The following ANKHD1 variants were observed in gnomAD, a reference collection of about 807,000 sequenced individuals.
The protein encoded by ANKHD1 is ankyrin repeat and KH domain containing 1.
Under a neutral mutation model 230.5 loss-of-function variants are expected in ANKHD1, and 31 were observed. The ratio of observed to expected loss-of-function variants is 0.13; its 90% confidence interval spans 0.10 to 0.18. ANKHD1 has a LOEUF of 0.18. ANKHD1 is among the 10% of genes least tolerant of loss of function. The probability of loss-of-function intolerance (pLI) is 1.00; values close to 1 mark genes in which losing one functional copy is unlikely to be tolerated. For missense variants in ANKHD1, 2,256 were observed against 3,071.3 expected (o/e 0.73, Z 6.27); for synonymous variants, 1,074 against 1,117.6 (o/e 0.96, Z 0.78).
intron 8 of ANKHD1, 76 bp from the exon 9 acceptor site, chr5:140,459,088 T>C: frequency 7.7e-7 from 1 of 1,293,320 alleles, no homozygotes; most frequent in Non-Finnish European, 9.9e-7. Context: ...CAGAGATGAT[T>C]ATCACAATTC....
intron 1 of ANKHD1, among the ~76,000 whole-genome samples, chr5:140,422,809 TG>T (rs1421367539): frequency 2.5e-5 from 3 of 121,154 alleles, no homozygotes; most frequent in Non-Finnish European, 3.8e-5. Flanking sequence ...GACTCTGTCT[TG>T]GGGGGGAAAA....
intron 10 of ANKHD1, among the ~76,000 whole-genome samples, chr5:140,477,857 G>A (rs1331776737): frequency 2.0e-5 from 3 of 152,044 alleles, no homozygotes; most frequent in African/African-American, 4.8e-5. Flanking sequence ...TGATCCACCC[G>A]CCTCGGCCTC....
chr5:140,418,093 C>T (rs547055787), intron 1 of ANKHD1, among the ~76,000 whole-genome samples: 14 of 151,408 alleles, frequency 9.2e-5, no homozygotes, highest in African/African-American at 2.7e-4. Flanking sequence ...CTGCCCTCCT[C>T]GGCCTCCCAA....
At chr5:140,509,968 A>G in intron 21 of ANKHD1, 51 bp from the exon 22 acceptor site, 1 of 1,555,300 alleles carries the variant, frequency 6.4e-7, no homozygotes, top group Non-Finnish European at 8.7e-7. Context: ...AAACTAGAAA[A>G]AGCCAGCCTC....
At chr5:140,512,190 C>T (rs375814454) in intron 22 of ANKHD1, among the ~76,000 whole-genome samples, 4 of 149,900 alleles carry the variant, frequency 2.7e-5, no homozygotes, top group Admixed American at 6.7e-5. Flanking sequence ...GAGACAAGAG[C>T]GTGCCGTGGC....
intron 24 of ANKHD1, among the ~76,000 whole-genome samples, chr5:140,522,504 C>G (rs920814780): frequency 1.3e-5 from 2 of 152,140 alleles, no homozygotes; most frequent in Non-Finnish European, 2.9e-5. Context: ...TTTAGCATCT[C>G]TCAATAATCA....
chr5:140,460,387 T>C (rs1775617934), intron 9 of ANKHD1, among the ~76,000 whole-genome samples: 1 of 152,172 alleles, frequency 6.6e-6, no homozygotes, highest in Non-Finnish European at 1.5e-5. Context: ...AAAGTTAATA[T>C]GTAAAAGAAA....
chr5:140,469,578 G>C (rs902309352), intron 10 of ANKHD1, among the ~76,000 whole-genome samples: 1 of 151,954 alleles, frequency 6.6e-6, no homozygotes, highest in African/African-American at 2.4e-5. Flanking sequence ...CAAAGTTTTA[G>C]CGAACTATAG....
At chr5:140,447,488 G>A (rs1774383211) in intron 6 of ANKHD1, among the ~76,000 whole-genome samples, 1 of 151,112 alleles carries the variant, frequency 6.6e-6, no homozygotes. Context: ...GATTACAGGT[G>A]TAAGCCACCA....
chr5:140,509,181 A>C (rs953461600), intron 20 of ANKHD1, among the ~76,000 whole-genome samples: 1 of 152,234 alleles, frequency 6.6e-6, no homozygotes. Context: ...TGTGCCACTC[A>C]TCCATTAAAG....
At chr5:140,443,263 A>G (rs1353831028) in intron 5 of ANKHD1, among the ~76,000 whole-genome samples, 2 of 152,182 alleles carry the variant, frequency 1.3e-5, no homozygotes, top group African/African-American at 4.8e-5. Context: ...TTGAATTGAT[A>G]TACCACAAAT....
At chr5:140,462,324 G>A (rs937991177) in intron 9 of ANKHD1, among the ~76,000 whole-genome samples, 65 of 152,110 alleles carry the variant, frequency 4.3e-4, no homozygotes, top group African/African-American at 1.5e-3. Flanking sequence ...TTACAAAGGG[G>A]TGATACTCTA....
At chr5:140,481,617 CTAAAT>C (rs1448016425) in intron 10 of ANKHD1, among the ~76,000 whole-genome samples, 1 of 151,826 alleles carries the variant, frequency 6.6e-6, no homozygotes, top group Non-Finnish European at 1.5e-5. Flanking sequence ...TGTAAATAGA[CTAAAT>C]TGTATTCTAT....
At chr5:140,534,053 G>C (rs536530776) in intron 29 of ANKHD1, among the ~76,000 whole-genome samples, 1 of 152,118 alleles carries the variant, frequency 6.6e-6, no homozygotes, top group South Asian at 2.1e-4. Flanking sequence ...CACATGTCCA[G>C]AGTAGGCAAA....
chr5:140,464,147 A>G (rs1775920049), intron 9 of ANKHD1, among the ~76,000 whole-genome samples: 1 of 151,604 alleles, frequency 6.6e-6, no homozygotes, highest in African/African-American at 2.4e-5. Context: ...GGGCCAGGAG[A>G]CTTGCCTGAA....
intron 9 of ANKHD1, among the ~76,000 whole-genome samples, chr5:140,461,342 C>A (rs1335885211): frequency 6.6e-6 from 1 of 152,176 alleles, no homozygotes; most frequent in East Asian, 1.9e-4. Context: ...AAGTATGTAG[C>A]TCGTAGAAAC....
At chr5:140,526,469 T>C (rs1304516819) in intron 26 of ANKHD1, 26 bp downstream of exon 26, 1 of 1,572,528 alleles carries the variant, frequency 6.4e-7, no homozygotes, top group East Asian at 2.2e-5. Context: ...TTGTTAACTC[T>C]ACCTGCACCT....
intron 1 of ANKHD1, among the ~76,000 whole-genome samples, chr5:140,431,498 G>A (rs1773042687): frequency 6.6e-6 from 1 of 152,168 alleles, no homozygotes; most frequent in African/African-American, 2.4e-5. Context: ...TATTTATATG[G>A]TGGTTTATTG....
chr5:140,460,319 A>C (rs1002271055), intron 9 of ANKHD1, among the ~76,000 whole-genome samples: 1 of 152,136 alleles, frequency 6.6e-6, no homozygotes, highest in Non-Finnish European at 1.5e-5. Context: ...TTTGAAAATA[A>C]TGTCAGATTT....
Sources: allele counts gnomAD v4.1 joint callset (sites outside exome capture counted in the v4.1 genomes callset), GRCh38; gene constraint gnomAD v4.1.1; transcripts MANE v1.5; gene names NCBI Gene and HGNC (gene_info 2026-07-23, HGNC 2026-07-21).